Variants in IQCE observed in about 807,000 individuals in gnomAD.
The protein encoded by IQCE is IQ motif containing E, also known as IQ domain-containing protein E.
IQCE carries 115 observed loss-of-function variants against 96.0 expected under a neutral mutation model. The observed-to-expected ratio is 1.20, with a 90% CI of 1.03 to 1.40. The LOEUF is 1.40. Ranked by LOEUF, IQCE falls within the 40% of genes most tolerant of loss-of-function variation. The probability of loss-of-function intolerance (pLI) is 0.00; values close to 1 mark genes in which losing one functional copy is unlikely to be tolerated. For missense variants in IQCE, 1,041 were observed against 909.1 expected, an observed-to-expected ratio of 1.15 and a Z score of -1.87; for synonymous variants, 412 against 371.2, an observed-to-expected ratio of 1.11 and a Z score of -1.26.
Position 2,573,492 on chromosome 7 carries a change from G to C in IQCE, c.465+4G>C, listed in dbSNP as rs1781905078. Reference sequence around the variant, plus strand: ...CGAGATTATTGAGTTAAAGAAGGTAGTATTTCGGTTTGTTCTCTATTGATT... The same window carrying C: ...CGAGATTATTGAGTTAAAGAAGGTACTATTTCGGTTTGTTCTCTATTGATT... On this transcript the variant is annotated splice_donor_region_variant and intron_variant, in intron 6 of 21. Transcript: ENST00000402050. 6.7e-7 allele frequency: 1 copy of C among 1,485,598 alleles called. No individual in the cohort carries two copies. The highest frequency in any genetic ancestry group is 1.4e-5 in the African/African-American group (1 of 72,552). 92.0% of individuals were successfully genotyped at this position (1,485,598 alleles called of 1,614,324 possible). A position where few individuals can be genotyped will look rare whatever the true frequency, so the allele number is the denominator to read the frequency against.
chr7:2,614,333 C>T lies in IQCE; in HGVS notation c.*4171C>T, dbSNP rs889963824. The T allele has an allele frequency of 5.3e-5, 8 of 152,358 alleles. No homozygotes were observed. The East Asian group carries it at 1.3e-3, about 26-fold the overall frequency. The allele number at this position is 152,358 out of a possible 1,614,324, so 9.4% of individuals were successfully genotyped here. A position where few individuals can be genotyped will look rare whatever the true frequency, so the allele number is the denominator to read the frequency against. ...GTTTTGGAAGCAGCGTTTGCTCTCCCGTGGCTCGGATTCTCTGAGGACCAG... is the reference window on the plus strand; with the variant it reads ...GTTTTGGAAGCAGCGTTTGCTCTCCTGTGGCTCGGATTCTCTGAGGACCAG... On this transcript the variant is annotated 3_prime_UTR_variant, in exon 22 of 22. Coordinates refer to ENST00000402050, the MANE Select transcript of IQCE (RefSeq NM_152558.5).
intron 11 of IQCE, among the ~76,000 whole-genome samples, chr7:2,585,676 G>A (rs1015665161): frequency 3.3e-5 from 5 of 152,218 alleles, no homozygotes; most frequent in Admixed American, 6.5e-5. Context: ...CACCACCTGG[G>A]TCAGCCCCAG....
In IQCE at chr7:2,600,865, C is replaced by T. The variant is rs191268559; in HGVS notation, c.1609-576C>T. On this transcript the variant is annotated intron_variant, in intron 17 of 21. Transcript: ENST00000402050. ...TCGCTCACATCTATAAGAACACATG[C>T]TCCGAGGGACCCTCTCTACTGATTG... is the stretch of plus-strand genomic sequence containing the variant. Among the ~76,000 whole-genome samples, 48 of 152,324 alleles carry T rather than the reference C, an allele frequency of 3.2e-4. 1 individual carries two copies. The highest frequency in any genetic ancestry group is 9.6e-4 in the African/African-American group (40 of 41,560).
chr7:2,595,353 C>G (rs1412130250), intron 16 of IQCE, among the ~76,000 whole-genome samples: 1 of 152,148 alleles, frequency 6.6e-6, no homozygotes, highest in Non-Finnish European at 1.5e-5. Flanking sequence ...GCGTCCTCTC[C>G]TCTCATCTAA....
At chr7:2,574,153 T>C (rs927429959) in intron 6 of IQCE, among the ~76,000 whole-genome samples, 1 of 152,196 alleles carries the variant, frequency 6.6e-6, no homozygotes, top group Non-Finnish European at 1.5e-5. Context: ...TATCCGTAAA[T>C]GTTTGCCCCT....
chr7:2,561,335 T>G (rs748152646), intron 1 of IQCE, among the ~76,000 whole-genome samples: 81 of 152,374 alleles, frequency 5.3e-4, no homozygotes, highest in Non-Finnish European at 9.4e-4. Flanking sequence ...TTAAATTTAT[T>G]CCTAAGTATT....
intron 20 of IQCE, among the ~76,000 whole-genome samples, 191 bp downstream of exon 20, chr7:2,606,188 G>T (rs1420348816): frequency 6.6e-6 from 1 of 152,232 alleles, no homozygotes; most frequent in East Asian, 1.9e-4. Flanking sequence ...CACCACGGAC[G>T]TGGAGTGGGC....
intron 18 of IQCE, among the ~76,000 whole-genome samples, chr7:2,603,136 C>A (rs905713187): frequency 6.6e-6 from 1 of 152,202 alleles, no homozygotes; most frequent in African/African-American, 2.4e-5. Flanking sequence ...CTGACAGTCC[C>A]TCCCATCCTC....
rs1041306742 is a variant in IQCE at position 2,582,633 on chromosome 7, G to T, written c.684G>T (p.Glu228Asp). 2 of 1,613,946 alleles carry T rather than the reference G, an allele frequency of 1.2e-6. No homozygotes were observed. The highest frequency in any genetic ancestry group is 2.7e-5 in the African/African-American group (2 of 74,930). ...RILKLEQQCK[E>D]KDGTISKLQT... Reference sequence around the variant, plus strand: ...TGAAGCTGGAACAGCAGTGCAAGGAGAAGGACGGCACCATCAGGTGGGCGC... The same window carrying T: ...TGAAGCTGGAACAGCAGTGCAAGGATAAGGACGGCACCATCAGGTGGGCGC... Residue 228 changes from glutamate to aspartate, a missense_variant, in exon 9 of 22, where the codon GAG (glutamate) becomes GAT (aspartate). By Grantham distance (45) the Glu-to-Asp change is conservative. Transcript: ENST00000402050.
intron 8 of IQCE, chr7:2,580,341 TC>T: frequency 6.6e-6 from 1 of 152,060 alleles, no homozygotes; most frequent in East Asian, 1.9e-4. Flanking sequence ...CGGGCACAGT[TC>T]CTCATGCCTG....
chr7:2,575,730 G>T (rs189682168), intron 6 of IQCE, among the ~76,000 whole-genome samples: 1 of 152,186 alleles, frequency 6.6e-6, no homozygotes. Context: ...GAGGCTTTGC[G>T]TGGGTTTTTA....
Position 2,588,491 on chromosome 7 carries a change from C to A in IQCE, c.1044+614C>A, listed in dbSNP as rs553364183. Among the ~76,000 whole-genome samples the A allele has an allele frequency of 1.7e-3, 254 of 151,018 alleles. 1 individual carries two copies. In the Middle Eastern group the frequency reaches 0.034, roughly 21 times the overall value. On this transcript the variant is annotated intron_variant, in intron 13 of 21. Coordinates refer to ENST00000402050, the MANE Select transcript of IQCE (RefSeq NM_152558.5). ...CCCTCAACCTCCCCAGTAGCTGGGACTACAGGTGCCCACCACCACACCCGG... is the reference window on the plus strand; with the variant it reads ...CCCTCAACCTCCCCAGTAGCTGGGAATACAGGTGCCCACCACCACACCCGG...
chr7:2,579,700 G>T (rs1251235620), intron 8 of IQCE, among the ~76,000 whole-genome samples: 1 of 133,006 alleles, frequency 7.5e-6, no homozygotes, highest in Non-Finnish European at 1.6e-5. Flanking sequence ...TTGTTCTGGT[G>T]GTGTGTGTGT....
chr7:2,596,183 C>T (rs1161741034), intron 16 of IQCE, among the ~76,000 whole-genome samples: 3 of 152,082 alleles, frequency 2.0e-5, no homozygotes, highest in Non-Finnish European at 4.4e-5. Flanking sequence ...CGCTCGAGCC[C>T]AGGAGGTGGA....
intron 16 of IQCE, among the ~76,000 whole-genome samples, chr7:2,597,722 C>T (rs1219290755): frequency 6.6e-6 from 1 of 152,230 alleles, no homozygotes; most frequent in Non-Finnish European, 1.5e-5. Context: ...GGCTCGACTA[C>T]AGCGGCACAA....
chr7:2,607,199 C>T lies in IQCE; in HGVS notation c.1941C>T (p.Ser647=), dbSNP rs370405789. ...CTTCAGCCACACACGGGGACGCCTC[C>T]TCCCCACCCTTCCTCGCAGCTCTTC... The part of the protein sequence containing the change: ...RSASATHGDA[S]SPPFLAALPD... The change falls in exon 21 of 22, where the codon TCC becomes TCT. Residue 647 remains serine, a synonymous_variant. Transcript: ENST00000402050. 2.5e-6 allele frequency: 4 copies of T among 1,613,868 alleles called. No homozygotes were observed. Among genetic ancestry groups the T allele is most frequent in the Admixed American group, 1.7e-5 (1 of 60,016 alleles).
intron 9 of IQCE, 144 bp downstream of exon 9, chr7:2,582,794 AT>A (rs752744116): frequency 1.6e-5 from 10 of 644,052 alleles, no homozygotes; most frequent in Non-Finnish European, 2.8e-5. Flanking sequence ...CCTCTTTTTA[AT>A]TTTTTTATTG....
intron 8 of IQCE, among the ~76,000 whole-genome samples, 186 bp from the exon 9 acceptor site, chr7:2,582,394 C>G (rs1263483755): frequency 6.6e-6 from 1 of 152,150 alleles, no homozygotes; most frequent in Non-Finnish European, 1.5e-5. Flanking sequence ...ATTCACCCAG[C>G]CTTACTCAGG....
At chr7:2,606,129 TC>T (rs1784806448) in intron 20 of IQCE, 132 bp downstream of exon 20, 2 of 1,154,236 alleles carry the variant, frequency 1.7e-6, no homozygotes, top group Admixed American at 6.6e-5. Flanking sequence ...CAGCGGGACC[TC>T]GGTTTGGAGC....
Sources: gnomAD v4.1 joint callset for allele counts (sites outside exome capture counted in the v4.1 genomes callset) on GRCh38, gnomAD v4.1.1 for gene constraint, MANE v1.5 for transcripts, NCBI Gene and HGNC (gene_info 2026-07-23, HGNC 2026-07-21) for gene names.